Variants in NSMAF observed in about 807,000 individuals in gnomAD.
NSMAF encodes protein FAN.
Under a neutral mutation model 134.9 loss-of-function variants are expected in NSMAF, and 90 were observed. That is an observed-to-expected ratio of 0.67 (90% CI 0.56 to 0.79). The LOEUF (loss-of-function observed/expected upper bound fraction) is 0.79, where lower values mean the gene tolerates loss of function less well. NSMAF is among the 30% of genes least tolerant of loss of function. The probability of loss-of-function intolerance (pLI) is 0.00; values close to 1 mark genes in which losing one functional copy is unlikely to be tolerated. For synonymous variants in NSMAF, 358 were observed against 389.6 expected, an observed-to-expected ratio of 0.92 and a Z score of 0.96; for missense variants, 1,010 against 1,119.0, an observed-to-expected ratio of 0.90 and a Z score of 1.39.
chr8:58,635,498 T>A lies in NSMAF; in HGVS notation c.198A>T (p.Glu66Asp). 6.2e-7 allele frequency: 1 copy of A among 1,606,766 alleles called. No homozygotes were observed. Among genetic ancestry groups the A allele is most frequent in the South Asian group, 1.1e-5 (1 of 89,094 alleles). ...TGATGGGCTGGGATATTGAATCTGGTTCAAAAATCACCGATTTTGAACATA... is the reference window on the plus strand; with the variant it reads ...TGATGGGCTGGGATATTGAATCTGGATCAAAAATCACCGATTTTGAACATA... ...LKICSKSVIF[E>D]PDSISQPIIK... The change falls in exon 3 of 31, where the codon GAA (glutamate) becomes GAT (aspartate). Residue 66 changes from glutamate to aspartate, a missense_variant. Physicochemically the swap from Glu to Asp is conservative, Grantham distance 45. Transcript: ENST00000038176.
At position 58,635,179 on chromosome 8, in the gene NSMAF, A is replaced by T; in HGVS notation, c.333+10T>A. 1 of 1,601,394 alleles carries T rather than the reference A, an allele frequency of 6.2e-7. No homozygotes were observed. Among genetic ancestry groups the T allele is most frequent in the Non-Finnish European group, 8.5e-7 (1 of 1,170,798 alleles). ...TTCAGATTAGGAAAAAATATTTATTATGTGCTTACCTGACTGAAAATGAGT... is the reference window on the plus strand; with the variant it reads ...TTCAGATTAGGAAAAAATATTTATTTTGTGCTTACCTGACTGAAAATGAGT... On this transcript the variant is annotated intron_variant, in intron 5 of 30. Coordinates refer to ENST00000038176, the MANE Select transcript of NSMAF (RefSeq NM_003580.4).
chr8:58,653,573 A>G (rs1807635116), intron 1 of NSMAF, among the ~76,000 whole-genome samples: 1 of 149,500 alleles, frequency 6.7e-6, no homozygotes, highest in Non-Finnish European at 1.5e-5. Flanking sequence ...AATTACTAGA[A>G]GTAAAGAGGT....
intron 5 of NSMAF, among the ~76,000 whole-genome samples, chr8:58,632,232 C>A (rs993643999): frequency 3.3e-5 from 5 of 152,064 alleles, no homozygotes; most frequent in East Asian, 1.9e-4. Flanking sequence ...ACACACACAC[C>A]CCCACAAACA....
At chr8:58,599,530 A>T in intron 18 of NSMAF, 167 bp from the exon 19 acceptor site, 2 of 942,552 alleles carry the variant, frequency 2.1e-6, no homozygotes, top group Non-Finnish European at 3.0e-6. Flanking sequence ...TTGGGGAAAA[A>T]AGTGGCAAGA....
At chr8:58,623,586 T>A in intron 7 of NSMAF, 123 bp downstream of exon 7, 1 of 1,070,488 alleles carries the variant, frequency 9.3e-7, no homozygotes, top group Non-Finnish European at 1.4e-6. Flanking sequence ...CTCAACATTT[T>A]AAGTCAATCT....
chr8:58,657,183 T>A (rs1807736536), intron 1 of NSMAF, among the ~76,000 whole-genome samples: 7 of 152,228 alleles, frequency 4.6e-5, no homozygotes, highest in Admixed American at 4.6e-4. Flanking sequence ...AAGAATCTCC[T>A]AGTCAGTCTC....
Position 58,585,760 on chromosome 8 carries a change from A to G in NSMAF, c.2551T>C (p.Cys851Arg). The G allele has an allele frequency of 1.2e-6, 2 of 1,613,716 alleles. No homozygotes were observed. The highest frequency in any genetic ancestry group is 1.7e-6 in the Non-Finnish European group (2 of 1,179,602). The change falls in exon 30 of 31, where the codon TGC (cysteine) becomes CGC (arginine). Residue 851 changes from cysteine to arginine, a missense_variant and splice_region_variant. By Grantham distance (180) the Cys-to-Arg change is radical. Coordinates refer to ENST00000038176, the MANE Select transcript of NSMAF (RefSeq NM_003580.4). ...ACGGAATTTCCATCCCAGACAAAGC[A>G]CCTGCAAGAATGATTTAGAAATAGT... ...SSMTSDEPQRCFVWDGNSVLS... is the reference protein window; with the variant it reads ...SSMTSDEPQRRFVWDGNSVLS...
chr8:58,597,613 T>C, intron 20 of NSMAF, 63 bp from the exon 21 acceptor site: 1 of 1,472,348 alleles, frequency 6.8e-7, no homozygotes, highest in East Asian at 2.3e-5. Context: ...AAAGCACGCA[T>C]TTCAAATAGT....
chr8:58,659,452 C>T, intron 1 of NSMAF, 121 bp downstream of exon 1: 2 of 1,492,546 alleles, frequency 1.3e-6, no homozygotes, highest in Non-Finnish European at 1.8e-6. Flanking sequence ...GACACGCGTC[C>T]GGCCCCTGCC....
chr8:58,659,176 C>A, intron 1 of NSMAF: 2 of 1,414,300 alleles, frequency 1.4e-6, no homozygotes, highest in Non-Finnish European at 1.8e-6. Flanking sequence ...AGGGGGTGCC[C>A]GCCGGGCAGC....
At chr8:58,606,151 CTT>C (rs1248225547) in intron 11 of NSMAF, 116 bp from the exon 12 acceptor site, 17 of 875,010 alleles carry the variant, frequency 1.9e-5, no homozygotes, top group Admixed American at 1.4e-4. Flanking sequence ...ATTTTTATAA[CTT>C]ATATTCCTAT....
intron 19 of NSMAF, 45 bp from the exon 20 acceptor site, chr8:58,597,947 A>G (rs1806176949): frequency 1.5e-6 from 2 of 1,349,284 alleles, no homozygotes; most frequent in African/African-American, 1.4e-5. Flanking sequence ...TGCTATTTCA[A>G]TGTAATATAC....
At chr8:58,626,918 T>C (rs2129144955) in intron 6 of NSMAF, among the ~76,000 whole-genome samples, 1 of 152,376 alleles carries the variant, frequency 6.6e-6, no homozygotes, top group South Asian at 2.1e-4. Flanking sequence ...AGTAAGGTGA[T>C]ACCTCATTGT....
chr8:58,601,459 T>TA lies in NSMAF; in HGVS notation c.1201dup (p.Tyr401LeufsTer4), dbSNP rs933767104. ...AAGAATCTTACCAATCCTAACAAGA[T>TA]AAAAAAGTACATAACCCGGGGAAGA... On this transcript the variant is annotated frameshift_variant, in exon 15 of 31. Transcript: ENST00000038176. LOFTEE classifies it high-confidence loss of function. 1 of 1,605,918 alleles carries TA rather than the reference T, an allele frequency of 6.2e-7. No individual in the cohort carries two copies. Among genetic ancestry groups the TA allele is most frequent in the Non-Finnish European group, 8.5e-7 (1 of 1,177,722 alleles).
chr8:58,630,381 T>G (rs1272024331), intron 6 of NSMAF, among the ~76,000 whole-genome samples: 1 of 152,086 alleles, frequency 6.6e-6, no homozygotes, highest in Non-Finnish European at 1.5e-5. Context: ...AAAGAGCTTT[T>G]CTTTACTCAG....
intron 9 of NSMAF, among the ~76,000 whole-genome samples, chr8:58,613,653 T>C (rs1231204468): frequency 6.6e-6 from 1 of 152,168 alleles, no homozygotes; most frequent in African/African-American, 2.4e-5. Flanking sequence ...ATAATAGTGG[T>C]CTCATAAAAT....
intron 4 of NSMAF, 35 bp from the exon 5 acceptor site, chr8:58,635,260 GC>G: frequency 6.2e-7 from 1 of 1,607,548 alleles, no homozygotes; most frequent in Non-Finnish European, 8.5e-7. Context: ...AATATATACA[GC>G]TTTTTGGTTG....
chr8:58,584,284 T>C (rs1211656038), intron 30 of NSMAF, 84 bp from the exon 31 acceptor site: 1 of 929,884 alleles, frequency 1.1e-6, no homozygotes, highest in Non-Finnish European at 1.7e-6. Flanking sequence ...TACTCTTGCT[T>C]TGCTATTCAT....
chr8:58,625,423 T>C (rs147537159), intron 6 of NSMAF, among the ~76,000 whole-genome samples: 7 of 152,216 alleles, frequency 4.6e-5, no homozygotes, highest in African/African-American at 1.7e-4. Context: ...TGTATATATA[T>C]GTGTGAATGT....
Sources: allele counts gnomAD v4.1 joint callset (sites outside exome capture counted in the v4.1 genomes callset), GRCh38; gene constraint gnomAD v4.1.1; transcripts MANE v1.5; gene names NCBI Gene and HGNC (gene_info 2026-07-23, HGNC 2026-07-21).